The following FAM114A1 variants were observed in gnomAD, a reference collection of about 807,000 sequenced individuals.
FAM114A1 encodes protein NOXP20.
FAM114A1 carries 62 observed loss-of-function variants against 64.3 expected under a neutral mutation model. The observed-to-expected ratio is 0.96, with a 90% CI of 0.79 to 1.19. The LOEUF (loss-of-function observed/expected upper bound fraction) is 1.19, where lower values mean the gene tolerates loss of function less well. Among genes scored for constraint, FAM114A1 ranks in the 50% most tolerant of loss-of-function variants. The pLI is 0.00. For synonymous variants in FAM114A1, 254 were observed against 251.1 expected (o/e 1.01, Z -0.11); for missense variants, 645 against 676.3 (o/e 0.95, Z 0.51).
At chr4:38,906,474 C>T (rs1718018060) in intron 6 of FAM114A1, among the ~76,000 whole-genome samples, 1 of 152,108 alleles carries the variant, frequency 6.6e-6, no homozygotes, top group African/African-American at 2.4e-5. Context: ...GGGGAGGCAC[C>T]TCAACTGAGA....
intron 2 of FAM114A1, among the ~76,000 whole-genome samples, chr4:38,872,736 G>A (rs766131749): frequency 1.6e-4 from 25 of 152,286 alleles, no homozygotes; most frequent in Admixed American, 7.8e-4. Flanking sequence ...TTCGGAAACC[G>A]GCCAGATAGT....
chr4:38,942,896 C>T (rs897205765), intron 14 of FAM114A1, among the ~76,000 whole-genome samples: 1 of 108,370 alleles, frequency 9.2e-6, no homozygotes, highest in Non-Finnish European at 1.9e-5. Flanking sequence ...AAAGTACACA[C>T]ACTGATGGAT....
At chr4:38,943,369 G>A in intron 14 of FAM114A1, 87 bp from the exon 15 acceptor site, 2 of 1,142,554 alleles carry the variant, frequency 1.8e-6, no homozygotes, top group Non-Finnish European at 2.6e-6. Context: ...GGGGTGGGTT[G>A]AAGAGTGGGA....
chr4:38,874,516 G>A (rs1714419461), intron 2 of FAM114A1, among the ~76,000 whole-genome samples: 2 of 151,968 alleles, frequency 1.3e-5, no homozygotes, highest in South Asian at 2.1e-4. Flanking sequence ...AATGGTTTTT[G>A]TTTTGTTTTT....
chr4:38,898,965 TAA>T, intron 4 of FAM114A1, among the ~76,000 whole-genome samples: 1 of 148,026 alleles, frequency 6.8e-6, no homozygotes, highest in East Asian at 1.9e-4. Context: ...ATTATATATG[TAA>T]TATATATGTT....
chr4:38,934,207 T>A (rs1363927106), intron 12 of FAM114A1, among the ~76,000 whole-genome samples: 3 of 152,206 alleles, frequency 2.0e-5, no homozygotes, highest in African/African-American at 7.2e-5. Flanking sequence ...CCCCTAGGTA[T>A]GGATAGTGAC....
Position 38,922,829 on chromosome 4 carries a change from A to C in FAM114A1, c.1005A>C (p.Leu335=), listed in dbSNP as rs759721898. Residue 335 remains leucine, a synonymous_variant, in exon 9 of 15, where the codon CTA becomes CTC. Transcript: ENST00000358869. ...GEKLELLKND[L]ISIKDIFAAK... ...AGCTGGAACTCTTAAAAAATGACCT[A>C]ATTTCCATTAAAGACATCTTTGCAG... 1 of 1,613,838 alleles carries C rather than the reference A, an allele frequency of 6.2e-7. No homozygotes were observed. Among genetic ancestry groups the C allele is most frequent in the South Asian group, 1.1e-5 (1 of 90,928 alleles).
chr4:38,885,789 C>G (rs1715736201), intron 3 of FAM114A1, among the ~76,000 whole-genome samples: 1 of 152,080 alleles, frequency 6.6e-6, no homozygotes, highest in Non-Finnish European at 1.5e-5. Context: ...GGCTGACCAC[C>G]CTGGACTGTG....
intron 9 of FAM114A1, among the ~76,000 whole-genome samples, chr4:38,928,127 T>A (rs1376864538): frequency 6.6e-6 from 1 of 150,606 alleles, no homozygotes; most frequent in East Asian, 1.9e-4. Context: ...TCAACCATTT[T>A]GTCCATAAAA....
At chr4:38,926,453 T>G (rs916486014) in intron 9 of FAM114A1, among the ~76,000 whole-genome samples, 2 of 147,294 alleles carry the variant, frequency 1.4e-5, no homozygotes, top group Non-Finnish European at 3.0e-5. Flanking sequence ...TCTCTCTCTC[T>G]CCCCTTTTTT....
At chr4:38,899,595 T>C (rs1248284821) in intron 4 of FAM114A1, among the ~76,000 whole-genome samples, 1 of 152,244 alleles carries the variant, frequency 6.6e-6, no homozygotes, top group East Asian at 1.9e-4. Context: ...AGAAGACTTA[T>C]ATTTAGGTAA....
At position 38,908,684 on chromosome 4, in the gene FAM114A1, G is replaced by A. The variant is rs915002904; in HGVS notation, c.750G>A (p.Lys250=). The part of the protein sequence containing the change: ...NVLAESDPGF[K]RTKTLMERTV... ...TTGCAGAAAGTGACCCGGGCTTTAA[G>A]CGGACCAAGACGCTCATGGAGAGAA... The change falls in exon 7 of 15, where the codon AAG becomes AAA. Residue 250 remains lysine (K), a synonymous_variant. Transcript: ENST00000358869. The A allele has an allele frequency of 4.3e-6, 7 of 1,613,250 alleles. No individual in the cohort carries two copies. In the Admixed American group the frequency reaches 1.2e-4, roughly 27 times the overall value.
chr4:38,880,090 A>AGTAGAATAGAGTAGAATAGAATAGAATAG (rs3067658), intron 3 of FAM114A1, among the ~76,000 whole-genome samples: 8 of 93,012 alleles, frequency 8.6e-5, no homozygotes, highest in South Asian at 3.4e-4. Context: ...AAATAAAATA[A>AGTAGAATAGAGTAGAATAGAATAGAATAG]AATAAAATAA....
intron 4 of FAM114A1, among the ~76,000 whole-genome samples, chr4:38,895,192 C>G (rs1348066170): frequency 1.3e-5 from 2 of 152,222 alleles, no homozygotes; most frequent in South Asian, 4.1e-4. Context: ...GCTGGCACCT[C>G]TGCTTTGAAG....
At chr4:38,871,747 A>G (rs1714097620) in intron 2 of FAM114A1, among the ~76,000 whole-genome samples, 1 of 152,240 alleles carries the variant, frequency 6.6e-6, no homozygotes, top group Non-Finnish European at 1.5e-5. Flanking sequence ...TTAAATTACC[A>G]TGAATCCAAG....
intron 8 of FAM114A1, among the ~76,000 whole-genome samples, chr4:38,921,857 A>G (rs1208772672): frequency 2.0e-5 from 3 of 151,990 alleles, no homozygotes; most frequent in Admixed American, 2.0e-4. Context: ...CAGTGTGATA[A>G]CTGACATCTA....
chr4:38,868,916 T>C (rs1456105187), intron 2 of FAM114A1, among the ~76,000 whole-genome samples: 2 of 152,180 alleles, frequency 1.3e-5, no homozygotes, highest in East Asian at 3.8e-4. Flanking sequence ...CATTGTAACC[T>C]TTAAGTGAAG....
At chr4:38,919,471 C>A (rs141579709) in intron 8 of FAM114A1, among the ~76,000 whole-genome samples, 1 of 152,328 alleles carries the variant, frequency 6.6e-6, no homozygotes, top group East Asian at 1.9e-4. Context: ...CCAGTGGCAC[C>A]ATCCCACTGT....
chr4:38,932,164 A>C, intron 11 of FAM114A1, 71 bp from the exon 12 acceptor site: 1 of 1,493,832 alleles, frequency 6.7e-7, no homozygotes, highest in South Asian at 1.3e-5. Flanking sequence ...TATCACTTCT[A>C]ATGTCACAGC....
Sources: gnomAD v4.1 joint callset for allele counts (sites outside exome capture counted in the v4.1 genomes callset) on GRCh38, gnomAD v4.1.1 for gene constraint, MANE v1.5 for transcripts, NCBI Gene and HGNC (gene_info 2026-07-23, HGNC 2026-07-21) for gene names.